The following ATP6V0E1 variants were observed in gnomAD, a reference collection of about 807,000 sequenced individuals.
The protein encoded by ATP6V0E1 is ATPase H+ transporting V0 subunit e1.
ATP6V0E1 carries 4 observed loss-of-function variants against 11.6 expected under a neutral mutation model. The observed-to-expected ratio is 0.35, with a 90% CI of 0.17 to 0.79. The LOEUF (loss-of-function observed/expected upper bound fraction) is 0.79. Ranked by LOEUF, ATP6V0E1 falls within the 30% of genes least tolerant of loss-of-function variation. ATP6V0E1 has a pLI of 0.54. For missense variants in ATP6V0E1, 105 were observed against 100.0 expected (o/e 1.05, Z -0.21); for synonymous variants, 36 against 34.8 (o/e 1.04, Z -0.13).
At chr5:173,007,550 G>A (rs1012501509) in intron 2 of ATP6V0E1, among the ~76,000 whole-genome samples, 2 of 152,140 alleles carry the variant, frequency 1.3e-5, no homozygotes, top group African/African-American at 4.8e-5. Flanking sequence ...GGTTAAGCAG[G>A]GGAAGATAAA....
intron 1 of ATP6V0E1, among the ~76,000 whole-genome samples, chr5:172,984,781 G>T (rs1581621952): frequency 6.6e-6 from 1 of 152,158 alleles, no homozygotes; most frequent in Non-Finnish European, 1.5e-5. Flanking sequence ...AGTTCAAGAT[G>T]ATGAGAGGTG....
intron 2 of ATP6V0E1, among the ~76,000 whole-genome samples, chr5:173,005,264 T>C (rs111635369): frequency 0.041 from 6,239 of 152,298 alleles, 233 homozygotes; most frequent in Non-Finnish European, 0.049. Context: ...ATCTCACTGG[T>C]ATCTCCATGT....
chr5:173,020,591 TAC>T, intron 3 of ATP6V0E1: 1 of 539,170 alleles, frequency 1.9e-6, no homozygotes, highest in Admixed American at 2.6e-5. Context: ...TTTAAATAAA[TAC>T]AGTTTAATTT....
At chr5:172,993,685 C>CG (rs1328704824) in intron 1 of ATP6V0E1, among the ~76,000 whole-genome samples, 4 of 121,854 alleles carry the variant, frequency 3.3e-5, no homozygotes, top group Admixed American at 8.3e-5. Context: ...TGAGACCCCC[C>CG]CCCCCGACCC....
At chr5:172,993,589 T>G (rs1756015937) in intron 1 of ATP6V0E1, among the ~76,000 whole-genome samples, 2 of 151,208 alleles carry the variant, frequency 1.3e-5, no homozygotes, top group South Asian at 4.2e-4. Flanking sequence ...GTGTGGTGGC[T>G]CACACCAGTA....
intron 2 of ATP6V0E1, among the ~76,000 whole-genome samples, chr5:172,995,516 G>T (rs897316612): frequency 2.0e-5 from 3 of 152,298 alleles, no homozygotes; most frequent in Middle Eastern, 3.4e-3. Flanking sequence ...AATTGAGCTA[G>T]AATTATAACC....
At chr5:173,031,871 G>A (rs1249129071) in intron 3 of ATP6V0E1, among the ~76,000 whole-genome samples, 7 of 151,286 alleles carry the variant, frequency 4.6e-5, no homozygotes, top group African/African-American at 9.7e-5. Context: ...TCAGCCGGGT[G>A]CAGTGGCTCA....
At chr5:173,020,688 T>C (rs755812076) in intron 3 of ATP6V0E1, 1 of 521,758 alleles carries the variant, frequency 1.9e-6, no homozygotes, top group Non-Finnish European at 3.8e-6. Flanking sequence ...CCAGCAACTT[T>C]AAAAAGTGGC....
At chr5:172,991,078 T>A (rs542393377) in intron 1 of ATP6V0E1, among the ~76,000 whole-genome samples, 24 of 152,272 alleles carry the variant, frequency 1.6e-4, no homozygotes, top group African/African-American at 4.8e-4. Context: ...CTCAGCCTCC[T>A]GAGTAGCTGG....
intron 2 of ATP6V0E1, among the ~76,000 whole-genome samples, chr5:172,995,039 A>T (rs1756044145): frequency 6.6e-6 from 1 of 152,224 alleles, no homozygotes; most frequent in Non-Finnish European, 1.5e-5. Flanking sequence ...CACAAATGTT[A>T]AAGCTTATAA....
At chr5:172,985,490 A>G (rs745481418) in intron 1 of ATP6V0E1, among the ~76,000 whole-genome samples, 15 of 152,174 alleles carry the variant, frequency 9.9e-5, no homozygotes, top group Non-Finnish European at 1.8e-4. Context: ...GAATTCTGGC[A>G]TTATTAAAGC....
At chr5:172,988,340 T>A (rs2113577204) in intron 1 of ATP6V0E1, among the ~76,000 whole-genome samples, 1 of 152,330 alleles carries the variant, frequency 6.6e-6, no homozygotes, top group East Asian at 1.9e-4. Flanking sequence ...GCAGTGTCTC[T>A]CCTAGGAAGA....
chr5:173,026,735 C>CT (rs1756565862), intron 3 of ATP6V0E1, among the ~76,000 whole-genome samples: 3 of 152,156 alleles, frequency 2.0e-5, no homozygotes, highest in African/African-American at 7.2e-5. Context: ...CAGTGCCATC[C>CT]TATGCATATG....
intron 1 of ATP6V0E1, among the ~76,000 whole-genome samples, chr5:172,987,535 C>A (rs528205252): frequency 3.9e-5 from 6 of 151,984 alleles, no homozygotes; most frequent in Middle Eastern, 3.2e-3. Context: ...CCGTCCGCCT[C>A]GGCCTCCCAA....
Position 172,996,574 on chromosome 5 carries a change from A to AAAAAACATAC in ATP6V0E1, c.152+1753_152+1754insAAAACATACA, listed in dbSNP as rs1292001050. On this transcript the variant is annotated intron_variant, in intron 2 of 3. Coordinates refer to ENST00000519374, the MANE Select transcript of ATP6V0E1 (RefSeq NM_003945.4). ...GAGACTCCGCCTCAAAAAAAAAAAA[A>AAAAAACATAC]ATACATACATACATACATACATACA... 4.5e-3 allele frequency among the ~76,000 whole-genome samples: 690 copies of AAAAAACATAC among 151,790 alleles called. 6 individuals are homozygous for AAAAAACATAC. Among genetic ancestry groups the AAAAAACATAC allele is most frequent in the African/African-American group, 0.016 (657 of 41,266 alleles).
At chr5:173,026,262 A>T (rs562288768) in intron 3 of ATP6V0E1, among the ~76,000 whole-genome samples, 2 of 152,096 alleles carry the variant, frequency 1.3e-5, no homozygotes, top group South Asian at 4.2e-4. Context: ...TCCCAAAGTG[A>T]TGGGATTACA....
rs1175824080 is a variant in ATP6V0E1 at position 173,034,653 on chromosome 5, T to C, written c.*291T>C. On this transcript the variant is annotated 3_prime_UTR_variant, in exon 4 of 4. Transcript: ENST00000519374. ...TAGAAGATGCTGTTCTTCTGAGAGA[T>C]ACGTTACTCTCTCCTTGGAATCTGT... 3 of 543,012 alleles carry C rather than the reference T, an allele frequency of 5.5e-6. No individual in the cohort carries two copies. The highest frequency in any genetic ancestry group is 1.0e-5 in the Non-Finnish European group (3 of 300,670). The allele number at this position is 543,012 out of a possible 1,614,324, so 33.6% of individuals were successfully genotyped here.
At chr5:172,991,193 C>T (rs1755973254) in intron 1 of ATP6V0E1, among the ~76,000 whole-genome samples, 1 of 152,150 alleles carries the variant, frequency 6.6e-6, no homozygotes, top group African/African-American at 2.4e-5. Context: ...CATATATTAC[C>T]TCCTAGACTC....
chr5:173,016,383 G>A (rs1032534175), intron 2 of ATP6V0E1, among the ~76,000 whole-genome samples: 1 of 152,236 alleles, frequency 6.6e-6, no homozygotes, highest in Admixed American at 6.5e-5. Flanking sequence ...TTATTGTGGT[G>A]TGAAAGCAGA....
Sources: gnomAD v4.1 joint callset for allele counts (sites outside exome capture counted in the v4.1 genomes callset) on GRCh38, gnomAD v4.1.1 for gene constraint, MANE v1.5 for transcripts, NCBI Gene and HGNC (gene_info 2026-07-23, HGNC 2026-07-21) for gene names.